The following KCNK3 variants were observed in gnomAD, a reference collection of about 807,000 sequenced individuals.
KCNK3 encodes potassium two pore domain channel subfamily K member 3, also known as potassium channel subfamily K member 3.
In KCNK3, 9 loss-of-function variants were observed where a neutral mutation model predicts 27.3. That is an observed-to-expected ratio of 0.33 (90% CI 0.20 to 0.57). The LOEUF (loss-of-function observed/expected upper bound fraction) is 0.57, where lower values mean the gene tolerates loss of function less well. Among genes scored for constraint, KCNK3 ranks in the 20% least tolerant of loss-of-function variants. The pLI is 0.87. For synonymous variants in KCNK3, 278 were observed against 273.8 expected, an observed-to-expected ratio of 1.02 and a Z score of -0.15; for missense variants, 391 against 577.7, an observed-to-expected ratio of 0.68 and a Z score of 3.31.
Position 26,732,471 on chromosome 2 carries a change from C to T in KCNK3, c.*3903C>T, listed in dbSNP as rs535784944. On this transcript the variant is annotated 3_prime_UTR_variant, in exon 2 of 2. Coordinates refer to ENST00000302909, the MANE Select transcript of KCNK3 (RefSeq NM_002246.3). Reference sequence around the variant, plus strand: ...AGTGCCCACACCGCCCCTCGTTACCCGCATAGGTCAACTGAAAGATACAGA... The same window carrying T: ...AGTGCCCACACCGCCCCTCGTTACCTGCATAGGTCAACTGAAAGATACAGA... The T allele has an allele frequency of 2.6e-5, 4 of 152,312 alleles. No individual in the cohort carries two copies. The South Asian group carries it at 6.2e-4, about 24-fold the overall frequency. 9.4% of individuals were successfully genotyped at this position (152,312 alleles called of 1,614,324 possible). A position where few individuals can be genotyped will look rare whatever the true frequency, so the allele number is the denominator to read the frequency against.
chr2:26,707,720 A>C (rs1446043570), intron 1 of KCNK3, among the ~76,000 whole-genome samples: 1 of 152,220 alleles, frequency 6.6e-6, no homozygotes, highest in Non-Finnish European at 1.5e-5. Context: ...GACAGCAGAT[A>C]GCATTCTGGC....
chr2:26,694,833 CT>C (rs1431222127), intron 1 of KCNK3, among the ~76,000 whole-genome samples: 3 of 152,176 alleles, frequency 2.0e-5, no homozygotes, highest in African/African-American at 7.2e-5. Flanking sequence ...CTCTCTCCCT[CT>C]TTTCCACACG....
At chr2:26,713,429 T>TG (rs146593255) in intron 1 of KCNK3, among the ~76,000 whole-genome samples, 4,623 of 152,206 alleles carry the variant, frequency 0.03, 108 homozygotes, top group South Asian at 0.1. Context: ...TTGTGTGGAC[T>TG]GGGGGAACTA....
rs1169518399 is a variant in KCNK3, at chr2:26,728,338, G to A, written c.955G>A (p.Glu319Lys). ...CTCGTGCCTGTGGTACAAGAGCCGC[G>A]AGAAGCTGCAGTACTCCATCCCCAT... ...MCSCLWYKSR[E>K]KLQYSIPMII... is the part of the protein sequence containing the mutation. Residue 319 changes from glutamate (E) to lysine (K), a missense_variant, in exon 2 of 2, where the codon GAG becomes AAG. By Grantham distance (56) the Glu-to-Lys change is moderately conservative. This residue lies in a region of KCNK3 where 192 missense variants were observed against 196.0 expected (regional missense o/e 0.98). Transcript: ENST00000302909. 50 of 1,604,938 alleles carry A rather than the reference G, an allele frequency of 3.1e-5. No individual in the cohort carries two copies. The highest frequency in any genetic ancestry group is 4.2e-5 in the Non-Finnish European group (49 of 1,176,146).
rs1324108163 is a variant in KCNK3 at position 26,693,257 on chromosome 2, A to G, written c.283+99A>G. On this transcript the variant is annotated intron_variant, in intron 1 of 1. Transcript: ENST00000302909. This position sits in a 1 kb window ranked among gnomAD's most constrained non-coding sequence, Gnocchi z 5.5. ...GGGGCTGGGGGCGGGGGCTCCCCCGAGAGGGGCTGGGCGCCGAACCCTGCG... is the reference window on the plus strand; with the variant it reads ...GGGGCTGGGGGCGGGGGCTCCCCCGGGAGGGGCTGGGCGCCGAACCCTGCG... 2.5e-6 allele frequency: 3 copies of G among 1,178,258 alleles called. No homozygotes were observed. The highest frequency in any genetic ancestry group is 3.0e-4 in the Middle Eastern group (1 of 3,348). The allele number at this position is 1,178,258 out of a possible 1,614,324, so 73.0% of individuals were successfully genotyped here. A position where few individuals can be genotyped will look rare whatever the true frequency, so the allele number is the denominator to read the frequency against.
intron 1 of KCNK3, among the ~76,000 whole-genome samples, chr2:26,725,655 C>G (rs1290993752): frequency 6.6e-6 from 1 of 152,194 alleles, no homozygotes; most frequent in African/African-American, 2.4e-5. Flanking sequence ...TACTGGAGCA[C>G]AGACGTCCTA....
In KCNK3 at chr2:26,693,222, G is replaced by T; in HGVS notation, c.283+64G>T. 8.0e-7 allele frequency: 1 copy of T among 1,250,114 alleles called. No homozygotes were observed. Among genetic ancestry groups the T allele is most frequent in the East Asian group, 3.3e-5 (1 of 30,112 alleles). 77.4% of individuals were successfully genotyped at this position (1,250,114 alleles called of 1,614,324 possible). A position where few individuals can be genotyped will look rare whatever the true frequency, so the allele number is the denominator to read the frequency against. The stretch of plus-strand genomic sequence containing the variant: ...GGGCGCGGGGCTCCGGGAGTCGTCC[G>T]GGGCCGGCTGGGGCTGGGGGCGGGG... On this transcript the variant is annotated intron_variant, in intron 1 of 1. Coordinates refer to ENST00000302909, the MANE Select transcript of KCNK3 (RefSeq NM_002246.3). The surrounding 1 kb of genome is among the most constrained non-coding windows in gnomAD (Gnocchi z 5.5).
chr2:26,716,908 A>T (rs1043275761), intron 1 of KCNK3, among the ~76,000 whole-genome samples: 1 of 152,200 alleles, frequency 6.6e-6, no homozygotes, highest in East Asian at 1.9e-4. Context: ...CAAACTAGGG[A>T]CTATGGACTG....
rs1231232671 is a variant in KCNK3, at chr2:26,721,115, C to A, written c.284-6552C>A. On this transcript the variant is annotated intron_variant, in intron 1 of 1. Coordinates refer to ENST00000302909, the MANE Select transcript of KCNK3 (RefSeq NM_002246.3). The surrounding 1 kb of genome is among the most constrained non-coding windows in gnomAD (Gnocchi z 4.3). ...GGTTTCTCATCACCATCCCAGACCT[C>A]AGAGTCCTTCAGAACTGGAGCCTCT... Among the ~76,000 whole-genome samples the A allele has an allele frequency of 2.0e-5, 3 of 152,156 alleles. No individual in the cohort carries two copies. The highest frequency in any genetic ancestry group is 4.4e-5 in the Non-Finnish European group (3 of 68,010).
chr2:26,704,486 C>T (rs1230961468), intron 1 of KCNK3, among the ~76,000 whole-genome samples: 3 of 152,216 alleles, frequency 2.0e-5, no homozygotes, highest in African/African-American at 7.2e-5. Flanking sequence ...CAGGCCTCTC[C>T]TAACCACAAC....
At chr2:26,709,799 C>T (rs1160005742) in intron 1 of KCNK3, among the ~76,000 whole-genome samples, 1 of 152,210 alleles carries the variant, frequency 6.6e-6, no homozygotes, top group African/African-American at 2.4e-5. Context: ...GCCTGAGGCC[C>T]AGCAAGGCGA....
chr2:26,713,950 C>T (rs1009802951), intron 1 of KCNK3, among the ~76,000 whole-genome samples: 3 of 149,698 alleles, frequency 2.0e-5, no homozygotes, highest in African/African-American at 7.4e-5. Context: ...GTAGTGGGCA[C>T]CTGTAATCCC....
chr2:26,715,873 T>C (rs1442157971), intron 1 of KCNK3, among the ~76,000 whole-genome samples: 3 of 152,226 alleles, frequency 2.0e-5, no homozygotes, highest in African/African-American at 7.2e-5. Context: ...CCCAGTGTTA[T>C]TGCTTTGGGC....
chr2:26,719,059 A>G (rs1479982251), intron 1 of KCNK3, among the ~76,000 whole-genome samples: 3 of 152,270 alleles, frequency 2.0e-5, no homozygotes, highest in Non-Finnish European at 1.5e-5. Context: ...ATTCCACCAC[A>G]TAAATATACC....
At position 26,729,919 on chromosome 2, in the gene KCNK3, C is replaced by A. The variant is rs1663505812; in HGVS notation, c.*1351C>A. On this transcript the variant is annotated 3_prime_UTR_variant, in exon 2 of 2. Transcript: ENST00000302909. The stretch of plus-strand genomic sequence containing the variant: ...AAAGTGTTCTTTCCTTCCAGCTTGG[C>A]CTGCTCTTAAAAGCAAAGCTCCTGC... The A allele has an allele frequency of 1.3e-5, 2 of 152,126 alleles. No homozygotes were observed. Among genetic ancestry groups the A allele is most frequent in the Admixed American group, 1.3e-4 (2 of 15,264 alleles). 9.4% of individuals were successfully genotyped at this position (152,126 alleles called of 1,614,324 possible).
At chr2:26,709,821 C>T (rs371347002) in intron 1 of KCNK3, among the ~76,000 whole-genome samples, 26 of 152,336 alleles carry the variant, frequency 1.7e-4, no homozygotes, top group African/African-American at 6.3e-4. Flanking sequence ...GGGCGCAGGG[C>T]TACTGCCAGG....
chr2:26,704,545 A>T (rs1670346900), intron 1 of KCNK3, among the ~76,000 whole-genome samples: 1 of 152,160 alleles, frequency 6.6e-6, no homozygotes, highest in South Asian at 2.1e-4. Context: ...GTCACATTCC[A>T]GCCCTCCAGC....
intron 1 of KCNK3, among the ~76,000 whole-genome samples, chr2:26,696,729 C>A (rs1246334750): frequency 6.6e-6 from 1 of 152,126 alleles, no homozygotes; most frequent in Non-Finnish European, 1.5e-5. Context: ...GCCCAAGCCT[C>A]ATCTATTCAT....
intron 1 of KCNK3, among the ~76,000 whole-genome samples, chr2:26,703,339 G>A (rs1299863504): frequency 6.6e-6 from 1 of 152,184 alleles, no homozygotes; most frequent in East Asian, 1.9e-4. Flanking sequence ...TCCTAGATTG[G>A]TATTGGATTG....
Sources: gnomAD v4.1 joint callset for allele counts (sites outside exome capture counted in the v4.1 genomes callset) on GRCh38, gnomAD v4.1.1 for gene constraint, gnomAD v4.1.1 regional missense constraint, Gnocchi (gnomAD v3.1) non-coding constraint, MANE v1.5 for transcripts, NCBI Gene and HGNC (gene_info 2026-07-23, HGNC 2026-07-21) for gene names.